POLI: variants seen among roughly 807,000 people sequenced by gnomAD.
The protein encoded by POLI is RAD30 homolog B.
Under a neutral mutation model 51.6 loss-of-function variants are expected in POLI, and 58 were observed. That is an observed-to-expected ratio of 1.12 (90% CI 0.91 to 1.40). POLI has a LOEUF of 1.40. POLI is among the 40% of genes most tolerant of loss of function. The pLI, the probability that POLI is intolerant of heterozygous loss-of-function variation, is 0.00. For missense variants in POLI, 921 were observed against 871.3 expected, an observed-to-expected ratio of 1.06 and a Z score of -0.72; for synonymous variants, 322 against 299.7, an observed-to-expected ratio of 1.07 and a Z score of -0.77.
intron 3 of POLI, among the ~76,000 whole-genome samples, chr18:54,308,208 A>C (rs2088619333): frequency 1.3e-5 from 2 of 152,166 alleles, no homozygotes; most frequent in South Asian, 4.1e-4. Flanking sequence ...ATGTTTTTGC[A>C]GTGGCTGGTA....
intron 8 of POLI, among the ~76,000 whole-genome samples, chr18:54,291,011 G>C (rs918941298): frequency 6.6e-6 from 1 of 152,108 alleles, no homozygotes; most frequent in Non-Finnish European, 1.5e-5. Context: ...AGTTTTTCTT[G>C]AATTTTAATT....
At chr18:54,282,514 A>G (rs1296213546) in intron 5 of POLI, among the ~76,000 whole-genome samples, 1 of 152,180 alleles carries the variant, frequency 6.6e-6, no homozygotes, top group Admixed American at 6.5e-5. Context: ...CAGAGACCAC[A>G]TTCACATAAC....
At chr18:54,310,692 A>G (rs552157954) in intron 3 of POLI, among the ~76,000 whole-genome samples, 85 of 152,272 alleles carry the variant, frequency 5.6e-4, no homozygotes, top group African/African-American at 2.0e-3. Context: ...GTCCTCAAAT[A>G]TTGAAAAAAT....
At chr18:54,300,726 T>A (rs888843698), downstream of POLI, among the ~76,000 whole-genome samples, 7 of 152,164 alleles carry the variant, frequency 4.6e-5, no homozygotes, top group Non-Finnish European at 7.4e-5. Flanking sequence ...TAAAATTTTT[T>A]AAAAAATAAA....
chr18:54,277,943 A>AT, intron 4 of POLI, 88 bp downstream of exon 4: 1 of 1,004,792 alleles, frequency 1.0e-6, no homozygotes. Context: ...ATTCTGAAAG[A>AT]TTCATGACTT....
chr18:54,288,635 GTCT>G (rs1011052220), intron 8 of POLI, among the ~76,000 whole-genome samples: 4 of 150,892 alleles, frequency 2.7e-5, no homozygotes, highest in Admixed American at 6.6e-5. Flanking sequence ...TTTTTCTGTA[GTCT>G]TTTTTTTTTT....
rs762831996 is a variant in POLI, at chr18:54,280,838, C to T, written c.731C>T (p.Thr244Ile). ...GGTGTCTTTAAACCAAATCAACAAACAGTCTTATTACCTGAAAGTTGTCAA... is the reference window on the plus strand; with the variant it reads ...GGTGTCTTTAAACCAAATCAACAAATAGTCTTATTACCTGAAAGTTGTCAA... ...VSGVFKPNQQ[T>I]VLLPESCQHL... Residue 244 changes from threonine (T) to isoleucine (I), a missense_variant, in exon 5 of 10, where the codon ACA becomes ATA. By Grantham distance (89) the Thr-to-Ile change is moderately conservative (BLOSUM62 -1). Transcript: ENST00000579534. 6.8e-6 allele frequency: 11 copies of T among 1,613,614 alleles called. No homozygotes were observed. The Admixed American group carries it at 1.5e-4, about 22-fold the overall frequency.
chr18:54,289,739 A>G (rs1268457111), intron 8 of POLI, among the ~76,000 whole-genome samples: 2 of 152,148 alleles, frequency 1.3e-5, no homozygotes, highest in Admixed American at 6.5e-5. Flanking sequence ...AGGATTCCCT[A>G]TATAATAAAT....
At chr18:54,290,334 T>C (rs2087946776) in intron 8 of POLI, among the ~76,000 whole-genome samples, 1 of 152,178 alleles carries the variant, frequency 6.6e-6, no homozygotes, top group Non-Finnish European at 1.5e-5. Context: ...AAACAACAGA[T>C]GCTGGAGAGG....
At chr18:54,277,673 C>T (rs1421244743) in intron 3 of POLI, 30 bp from the exon 4 acceptor site, 1 of 1,439,440 alleles carries the variant, frequency 6.9e-7, no homozygotes. Flanking sequence ...ACTTCATTTA[C>T]ATTTGTGCTC....
chr18:54,303,760 CTT>C lies in POLI; in HGVS notation c.333+16362_333+16363del, dbSNP rs111293093. Among the ~76,000 whole-genome samples, 647 of 139,270 alleles carry C rather than the reference CTT, an allele frequency of 4.6e-3. 2 individuals are homozygous for C. Among genetic ancestry groups the C allele is most frequent in the Middle Eastern group, 0.011 (3 of 262 alleles). The allele number at this position is 139,270 out of a possible 152,430, so 91.4% of individuals were successfully genotyped here. On this transcript the variant is annotated intron_variant, in intron 3 of 4. Transcript: ENST00000579823. The stretch of plus-strand genomic sequence containing the variant: ...TCCACCTCTCTCCCAGTTCATTTTT[CTT>C]TTTTTTTTTTTTAATTATACTTTAA...
intron 2 of POLI, among the ~76,000 whole-genome samples, chr18:54,273,223 A>G (rs2087084976): frequency 6.6e-6 from 1 of 152,040 alleles, no homozygotes; most frequent in African/African-American, 2.4e-5. Context: ...TAAGTAGTAC[A>G]TAACTGTTAG....
chr18:54,280,817 T>C lies in POLI; in HGVS notation c.710T>C (p.Val237Ala). The change falls in exon 5 of 10, where the codon GTC (valine) becomes GCC (alanine). Residue 237 changes from valine to alanine, a missense_variant. By Grantham distance (64) the Val-to-Ala change is moderately conservative. Coordinates refer to ENST00000579534, the MANE Select transcript of POLI (RefSeq NM_007195.3). ...CTGTTGGCAAAATTAGTTTCTGGTG[T>C]CTTTAAACCAAATCAACAAACAGTC... ...NKLLAKLVSG[V>A]FKPNQQTVLL... 6.2e-7 allele frequency: 1 copy of C among 1,613,794 alleles called. No individual in the cohort carries two copies. The highest frequency in any genetic ancestry group is 8.5e-7 in the Non-Finnish European group (1 of 1,179,734).
intron 9 of POLI, 151 bp from the exon 10 acceptor site, chr18:54,293,498 A>G (rs948637791): frequency 1.3e-5 from 7 of 552,194 alleles, no homozygotes; most frequent in Non-Finnish European, 2.2e-5. Flanking sequence ...TTGTGGTAGT[A>G]GATCTCTAGT....
rs1819027654 is a variant in POLI at position 54,297,569 on chromosome 18, T to C, written c.*3102T>C. ...TTTTTTGCCATCTTATTTTTTAATA[T>C]ATTTCTTTTTCTATGTTGTGCTTCT... On this transcript the variant is annotated 3_prime_UTR_variant, in exon 10 of 10. Transcript: ENST00000579534. 2.1e-6 allele frequency: 2 copies of C among 975,446 alleles called. No homozygotes were observed. Among genetic ancestry groups the C allele is most frequent in the Admixed American group, 6.2e-5 (1 of 16,248 alleles). 60.4% of individuals were successfully genotyped at this position (975,446 alleles called of 1,614,324 possible).
rs1156409177 is a variant in POLI at position 54,298,023 on chromosome 18, A to T, written c.*3556A>T. 3.1e-6 allele frequency: 3 copies of T among 971,244 alleles called. No homozygotes were observed. The African/African-American group carries it at 5.3e-5, about 17-fold the overall frequency. The allele number at this position is 971,244 out of a possible 1,614,324, so 60.2% of individuals were successfully genotyped here. ...ACTTTGGAGATACGCAGTTTTTATT[A>T]TATGTCTAGCTATAGATTTATCATG... On this transcript the variant is annotated 3_prime_UTR_variant, in exon 10 of 10. Transcript: ENST00000579534.
chr18:54,312,222 G>GT lies in POLI; in HGVS notation c.334-8050dup, dbSNP rs1277072612. ...ACGCAGTATTTGATTTTCTGTTTCT[G>GT]TGTTTTTTGCTTAGGATAATGGTTT... On this transcript the variant is annotated intron_variant, in intron 3 of 4. Coordinates refer to the POLI transcript ENST00000579823. 2.0e-5 allele frequency among the ~76,000 whole-genome samples: 3 copies of GT among 152,156 alleles called. No homozygotes were observed. In the East Asian group the frequency reaches 5.8e-4, roughly 29 times the overall value.
At chr18:54,320,507 A>G (rs1054066263) in intron 4 of POLI, 15 of 152,310 alleles carry the variant, frequency 9.8e-5, no homozygotes, top group Admixed American at 9.2e-4. Context: ...TCAAGCCACA[A>G]TTCCAAAAGG....
intron 3 of POLI, among the ~76,000 whole-genome samples, chr18:54,307,351 C>A (rs1247711445): frequency 3.3e-5 from 5 of 152,210 alleles, no homozygotes; most frequent in Non-Finnish European, 5.9e-5. Context: ...ACCTAGTAGT[C>A]ATTCAGGAGC....
Sources: gnomAD v4.1 joint callset for allele counts (sites outside exome capture counted in the v4.1 genomes callset) on GRCh38, gnomAD v4.1.1 for gene constraint, MANE v1.5 for transcripts, NCBI Gene and HGNC (gene_info 2026-07-23, HGNC 2026-07-21) for gene names.